The following COL19A1 variants were observed in gnomAD, a reference collection of about 807,000 sequenced individuals.
COL19A1 encodes collagen alpha-1(XIX) chain.
Under a neutral mutation model 190.2 loss-of-function variants are expected in COL19A1, and 159 were observed. That is an observed-to-expected ratio of 0.84 (90% CI 0.73 to 0.95). COL19A1 has a LOEUF of 0.95. COL19A1 is among the 40% of genes least tolerant of loss of function. The pLI is 0.00. For missense variants in COL19A1, 1,418 were observed against 1,431.9 expected (o/e 0.99, Z 0.16); for synonymous variants, 509 against 458.9 (o/e 1.11, Z -1.39).
At chr6:69,890,998 A>C (rs1251182932) in intron 2 of COL19A1, 1 of 322,952 alleles carries the variant, frequency 3.1e-6, no homozygotes, top group African/African-American at 2.1e-5. Context: ...AGGCCTATCT[A>C]AGGGTTCCTA....
At chr6:69,950,958 T>TAAGGA (rs1487212117) in intron 9 of COL19A1, among the ~76,000 whole-genome samples, 1 of 151,912 alleles carries the variant, frequency 6.6e-6, no homozygotes. Flanking sequence ...TATTGTCCAA[T>TAAGGA]AATCTTATCC....
At chr6:70,055,025 A>G (rs1780412469) in intron 14 of COL19A1, among the ~76,000 whole-genome samples, 1 of 152,192 alleles carries the variant, frequency 6.6e-6, no homozygotes, top group African/African-American at 2.4e-5. Flanking sequence ...CATCATAACA[A>G]ACAACTACAT....
chr6:70,200,899 T>C (rs2150307712), intron 49 of COL19A1, among the ~76,000 whole-genome samples: 1 of 152,366 alleles, frequency 6.6e-6, no homozygotes, highest in South Asian at 2.1e-4. Context: ...TCTCTAGTTT[T>C]TTTTAAACGA....
At position 70,057,081 on chromosome 6, in the gene COL19A1, A is replaced by T. The variant is rs540304632; in HGVS notation, c.1171-11342A>T. 2.0e-5 allele frequency among the ~76,000 whole-genome samples: 3 copies of T among 152,316 alleles called. No homozygotes were observed. The East Asian group carries it at 5.8e-4, about 29-fold the overall frequency. On this transcript the variant is annotated intron_variant, in intron 14 of 50. Coordinates refer to ENST00000620364, the MANE Select transcript of COL19A1 (RefSeq NM_001858.6). ...TCATGCTGCCCATTGTTCCAAAAAC[A>T]TTGGAAGACATTTTAAAACCACATA...
At chr6:69,887,701 G>A (rs1285222394) in intron 2 of COL19A1, among the ~76,000 whole-genome samples, 1 of 152,132 alleles carries the variant, frequency 6.6e-6, no homozygotes, top group Non-Finnish European at 1.5e-5. Context: ...CTTGTCCCAT[G>A]GCCATGAAAA....
At chr6:70,048,282 T>A (rs2150129704) in intron 14 of COL19A1, among the ~76,000 whole-genome samples, 1 of 152,244 alleles carries the variant, frequency 6.6e-6, no homozygotes, top group African/African-American at 2.4e-5. Context: ...GCACAAGAGA[T>A]CATATAGTGT....
chr6:70,162,290 C>G (rs1344806023), intron 35 of COL19A1, among the ~76,000 whole-genome samples: 2 of 142,908 alleles, frequency 1.4e-5, no homozygotes, highest in Admixed American at 1.4e-4. Flanking sequence ...TCAAATGGCA[C>G]CACAAACTGA....
chr6:70,128,542 A>T (rs1361020608), intron 17 of COL19A1, among the ~76,000 whole-genome samples: 1 of 152,204 alleles, frequency 6.6e-6, no homozygotes, highest in Non-Finnish European at 1.5e-5. Context: ...TTAACATTAG[A>T]GGGCCACATC....
At chr6:69,987,002 C>G (rs1258025927) in intron 11 of COL19A1, among the ~76,000 whole-genome samples, 1 of 152,180 alleles carries the variant, frequency 6.6e-6, no homozygotes, top group Non-Finnish European at 1.5e-5. Flanking sequence ...CTCACTGCAG[C>G]CTTGACCTCT....
intron 17 of COL19A1, among the ~76,000 whole-genome samples, chr6:70,125,118 G>A (rs971404128): frequency 5.8e-5 from 8 of 138,114 alleles, no homozygotes; most frequent in African/African-American, 2.1e-4. Context: ...TTTGTAGTGT[G>A]CCAGATGGTC....
chr6:69,931,745 A>G (rs1441041090), intron 6 of COL19A1, among the ~76,000 whole-genome samples: 2 of 152,112 alleles, frequency 1.3e-5, no homozygotes, highest in African/African-American at 4.8e-5. Flanking sequence ...ATTTTCTGCA[A>G]ATCTTAGGCT....
chr6:70,034,279 C>A lies in COL19A1; in HGVS notation c.1115C>A (p.Pro372His), dbSNP rs1779226935. The change falls in exon 13 of 51, where the codon CCT becomes CAT. Residue 372 changes from proline to histidine, a missense_variant. Transcript: ENST00000620364. ...LKGDLGPHGP[P>H]GPKGEKGDTG... ...GGTGACTTGGGTCCTCATGGTCCAC[C>A]TGGCCCAAAAGGAGAAAAGGTATTG... 2 of 1,613,022 alleles carry A rather than the reference C, an allele frequency of 1.2e-6. No homozygotes were observed. The highest frequency in any genetic ancestry group is 2.7e-5 in the African/African-American group (2 of 74,988).
At chr6:70,133,111 C>A (rs1785624180) in intron 18 of COL19A1, among the ~76,000 whole-genome samples, 1 of 152,162 alleles carries the variant, frequency 6.6e-6, no homozygotes, top group Non-Finnish European at 1.5e-5. Flanking sequence ...TCTTGCTCAT[C>A]TTTGTATCTC....
chr6:70,103,862 G>T (rs1241654023), intron 16 of COL19A1, among the ~76,000 whole-genome samples: 1 of 152,072 alleles, frequency 6.6e-6, no homozygotes, highest in African/African-American at 2.4e-5. Context: ...CCATTGCTTA[G>T]AACAGTCTCT....
At chr6:69,986,240 TATATATATATATAC>T (rs1156968537) in intron 11 of COL19A1, among the ~76,000 whole-genome samples, 14 of 145,668 alleles carry the variant, frequency 9.6e-5, no homozygotes, top group South Asian at 6.4e-4. Context: ...TATATATATA[TATATATATATATAC>T]ACACACACAT....
At chr6:70,025,266 G>A (rs973964050) in intron 12 of COL19A1, among the ~76,000 whole-genome samples, 3 of 152,228 alleles carry the variant, frequency 2.0e-5, no homozygotes, top group African/African-American at 2.4e-5. Context: ...TCCTGACCTC[G>A]TGATCCGCCC....
At chr6:70,182,298 G>A (rs1048755915) in intron 44 of COL19A1, among the ~76,000 whole-genome samples, 3 of 152,062 alleles carry the variant, frequency 2.0e-5, no homozygotes, top group African/African-American at 7.2e-5. Context: ...CAGCTGTGGT[G>A]TAGGGTCTGA....
chr6:70,120,750 C>T (rs1332887696), intron 16 of COL19A1, among the ~76,000 whole-genome samples: 1 of 152,132 alleles, frequency 6.6e-6, no homozygotes, highest in African/African-American at 2.4e-5. Context: ...CATTCTTGTG[C>T]CCTTTATGTT....
chr6:69,887,030 G>T (rs753993540), intron 2 of COL19A1, among the ~76,000 whole-genome samples: 2 of 152,074 alleles, frequency 1.3e-5, no homozygotes, highest in Admixed American at 6.5e-5. Flanking sequence ...GGCTTTTAGT[G>T]TAGAAAGACT....
Sources: allele counts gnomAD v4.1 joint callset (sites outside exome capture counted in the v4.1 genomes callset), GRCh38; gene constraint gnomAD v4.1.1; transcripts MANE v1.5; gene names NCBI Gene and HGNC (gene_info 2026-07-23, HGNC 2026-07-21).